Variants in CACNA2D3 observed in about 807,000 individuals in gnomAD.
The protein encoded by CACNA2D3 is voltage-dependent calcium channel subunit alpha-2/delta-3.
A neutral mutation model predicts 160.6 loss-of-function variants in CACNA2D3; 60 were observed. That is an observed-to-expected ratio of 0.37 (90% confidence interval 0.30 to 0.46). CACNA2D3 has a LOEUF of 0.46. Ranked by LOEUF, CACNA2D3 falls within the 20% of genes least tolerant of loss-of-function variation. The pLI, the probability that CACNA2D3 is intolerant of heterozygous loss-of-function variation, is 1.00. For synonymous variants in CACNA2D3, 558 were observed against 492.9 expected, an observed-to-expected ratio of 1.13 and a Z score of -1.75; for missense variants, 1,205 against 1,365.0, an observed-to-expected ratio of 0.88 and a Z score of 1.85.
intron 11 of CACNA2D3, among the ~76,000 whole-genome samples, chr3:54,750,911 A>G (rs1268900064): frequency 6.6e-6 from 1 of 152,026 alleles, no homozygotes; most frequent in Non-Finnish European, 1.5e-5. Flanking sequence ...CTGGGACTAC[A>G]GATGCATGCC....
At chr3:54,830,950 C>T (rs976252317) in intron 14 of CACNA2D3, among the ~76,000 whole-genome samples, 5 of 151,932 alleles carry the variant, frequency 3.3e-5, no homozygotes, top group African/African-American at 7.3e-5. Flanking sequence ...AACACCGCTG[C>T]GTATTCACAA....
At chr3:54,382,677 A>G (rs1000820772) in intron 3 of CACNA2D3, among the ~76,000 whole-genome samples, 1 of 152,190 alleles carries the variant, frequency 6.6e-6, no homozygotes, top group African/African-American at 2.4e-5. Flanking sequence ...CCAGCTACTC[A>G]GGAGGCTGAG....
rs768481835 is a variant in CACNA2D3 at position 54,899,690 on chromosome 3, A to G, written c.2369-98A>G. On this transcript the variant is annotated intron_variant, in intron 26 of 37. Transcript: ENST00000474759. ...GGGCCTGGGACCAAGCCCCAGAACA[A>G]TTTGCAGAATTGGTGACTGTAGACC... 47 of 896,092 alleles carry G rather than the reference A, an allele frequency of 5.2e-5. No individual in the cohort carries two copies. The South Asian group carries it at 5.5e-4, about 10-fold the overall frequency. 55.5% of individuals were successfully genotyped at this position (896,092 alleles called of 1,614,324 possible). A position where few individuals can be genotyped will look rare whatever the true frequency, so the allele number is the denominator to read the frequency against.
chr3:54,303,818 G>GTTTTTTTTTTTT lies in CACNA2D3; in HGVS notation c.205-16615_205-16604dup, dbSNP rs71617795. ...CAGCCTCATCAGTGACTTTTTTTCT[G>GTTTTTTTTTTTT]TTTTTTTTTTTTTTTTTTTTCTATT... On this transcript the variant is annotated intron_variant, in intron 2 of 37. Transcript: ENST00000474759. Among the ~76,000 whole-genome samples the GTTTTTTTTTTTT allele has an allele frequency of 1.2e-3, 143 of 114,992 alleles. 4 individuals are homozygous for GTTTTTTTTTTTT. The highest frequency in any genetic ancestry group is 4.1e-3 in the African/African-American group (122 of 29,538). 75.4% of individuals were successfully genotyped at this position (114,992 alleles called of 152,430 possible).
intron 4 of CACNA2D3, among the ~76,000 whole-genome samples, chr3:54,477,565 T>G (rs1226503390): frequency 5.9e-5 from 9 of 152,218 alleles, no homozygotes; most frequent in African/African-American, 2.2e-4. Context: ...CATTAATCAT[T>G]CCCAGAGTTT....
At chr3:54,786,252 A>G (rs1030929404) in intron 13 of CACNA2D3, among the ~76,000 whole-genome samples, 11 of 152,236 alleles carry the variant, frequency 7.2e-5, no homozygotes, top group African/African-American at 2.7e-4. Flanking sequence ...AGTCTGGGTC[A>G]CTAACTGACA....
At chr3:54,308,199 C>G (rs1703652658) in intron 2 of CACNA2D3, among the ~76,000 whole-genome samples, 1 of 152,164 alleles carries the variant, frequency 6.6e-6, no homozygotes, top group Admixed American at 6.6e-5. Flanking sequence ...GACTCTGAGG[C>G]TGTGCTGCCT....
intron 12 of CACNA2D3, among the ~76,000 whole-genome samples, chr3:54,755,516 A>G (rs1390133707): frequency 3.9e-5 from 6 of 152,228 alleles, no homozygotes; most frequent in Admixed American, 1.3e-4. Flanking sequence ...TGAAGCTCTA[A>G]AATAACACCT....
chr3:54,275,761 G>A (rs908333789), intron 2 of CACNA2D3, among the ~76,000 whole-genome samples: 3 of 152,092 alleles, frequency 2.0e-5, no homozygotes, highest in Non-Finnish European at 2.9e-5. Context: ...GGGATTACAG[G>A]TGCCTGCCAC....
intron 3 of CACNA2D3, among the ~76,000 whole-genome samples, chr3:54,339,251 C>T (rs184371457): frequency 1.1e-4 from 17 of 152,246 alleles, no homozygotes; most frequent in Admixed American, 1.0e-3. Context: ...GCAGTGTTCT[C>T]TCTGAGTGGA....
At chr3:54,215,440 C>T (rs113998962) in intron 2 of CACNA2D3, among the ~76,000 whole-genome samples, 2,252 of 152,246 alleles carry the variant, frequency 0.015, 54 homozygotes, top group African/African-American at 0.05. Flanking sequence ...AGAATGTGTT[C>T]GTCGTAACTG....
chr3:54,447,999 C>T (rs887620113), intron 4 of CACNA2D3, among the ~76,000 whole-genome samples: 20 of 152,240 alleles, frequency 1.3e-4, no homozygotes, highest in Non-Finnish European at 2.9e-5. Context: ...AGCACAACCA[C>T]GAGGGAATTT....
intron 3 of CACNA2D3, among the ~76,000 whole-genome samples, chr3:54,357,145 G>A (rs150875656): frequency 3.9e-5 from 6 of 152,220 alleles, no homozygotes; most frequent in Admixed American, 2.0e-4. Flanking sequence ...TGAGCTCTGC[G>A]AATTCATCTT....
At chr3:54,431,438 C>G (rs1699989381) in intron 4 of CACNA2D3, among the ~76,000 whole-genome samples, 1 of 152,002 alleles carries the variant, frequency 6.6e-6, no homozygotes, top group Non-Finnish European at 1.5e-5. Flanking sequence ...TCCTCATTGT[C>G]TTCACATTGA....
Position 54,875,923 on chromosome 3 carries a change from C to A in CACNA2D3, c.1711-3095C>A, listed in dbSNP as rs113101267. ...AATGTCCATTGCATTACCACACTTG[C>A]GAATGCTTGATATCTGATATGGAAA... is the stretch of plus-strand genomic sequence containing the variant. On this transcript the variant is annotated intron_variant, in intron 18 of 37. Transcript: ENST00000474759. Among the ~76,000 whole-genome samples the A allele has an allele frequency of 2.0e-3, 304 of 152,230 alleles. 1 individual carries two copies. The highest frequency in any genetic ancestry group is 6.8e-3 in the African/African-American group (284 of 41,538).
chr3:54,223,498 G>T (rs1032736357), intron 2 of CACNA2D3, among the ~76,000 whole-genome samples: 1 of 152,182 alleles, frequency 6.6e-6, no homozygotes. Flanking sequence ...GTGAGTGAAT[G>T]TGAATGCCTA....
chr3:54,649,521 C>T (rs1699718312), intron 11 of CACNA2D3, among the ~76,000 whole-genome samples: 1 of 152,212 alleles, frequency 6.6e-6, no homozygotes, highest in African/African-American at 2.4e-5. Flanking sequence ...GAATTTATTG[C>T]TCACAGTCCT....
At chr3:55,051,248 G>A (rs997061577) in intron 35 of CACNA2D3, among the ~76,000 whole-genome samples, 1 of 152,054 alleles carries the variant, frequency 6.6e-6, no homozygotes, top group African/African-American at 2.4e-5. Context: ...TCTACTTTTG[G>A]TCTTTGATGA....
At chr3:54,371,611 A>G (rs993662587) in intron 3 of CACNA2D3, among the ~76,000 whole-genome samples, 6 of 152,158 alleles carry the variant, frequency 3.9e-5, no homozygotes, top group African/African-American at 1.2e-4. Flanking sequence ...TCCAATTTCC[A>G]TCACTCAAGT....
Sources: gnomAD v4.1 joint callset for allele counts (sites outside exome capture counted in the v4.1 genomes callset) on GRCh38, gnomAD v4.1.1 for gene constraint, MANE v1.5 for transcripts, NCBI Gene and HGNC (gene_info 2026-07-23, HGNC 2026-07-21) for gene names.